Variants in EIF4G3 observed in about 807,000 individuals in gnomAD.
EIF4G3 encodes eukaryotic translation initiation factor 4 gamma 3.
Under a neutral mutation model 186.4 loss-of-function variants are expected in EIF4G3, and 34 were observed. The ratio of observed to expected loss-of-function variants is 0.18; its 90% CI spans 0.14 to 0.24. The LOEUF is 0.24. Ranked by LOEUF, EIF4G3 falls within the 10% of genes least tolerant of loss-of-function variation. EIF4G3 has a pLI of 1.00. For missense variants in EIF4G3, 1,536 were observed against 1,948.5 expected (o/e 0.79, Z 3.99); for synonymous variants, 673 against 679.5 (o/e 0.99, Z 0.15).
intron 3 of EIF4G3, among the ~76,000 whole-genome samples, chr1:21,070,849 G>A (rs1421594175): frequency 6.6e-6 from 1 of 152,102 alleles, no homozygotes; most frequent in Non-Finnish European, 1.5e-5. Flanking sequence ...GAATCTTTTT[G>A]TAAGTGTAAA....
chr1:20,926,351 A>C (rs1479459852), intron 14 of EIF4G3, among the ~76,000 whole-genome samples: 2 of 152,216 alleles, frequency 1.3e-5, no homozygotes, highest in African/African-American at 4.8e-5. Context: ...GTGTCTAATA[A>C]ATAGCAAGCA....
intron 4 of EIF4G3, among the ~76,000 whole-genome samples, chr1:21,007,526 A>AAAAAAAAAAC (rs1557469377): frequency 2.3e-5 from 3 of 131,012 alleles, no homozygotes; most frequent in Admixed American, 7.4e-5. Flanking sequence ...AAAAAAAAAA[A>AAAAAAAAAAC]AAAAAAAAAA....
At chr1:20,900,589 C>T (rs2089978027) in intron 15 of EIF4G3, among the ~76,000 whole-genome samples, 3 of 150,714 alleles carry the variant, frequency 2.0e-5, no homozygotes, top group South Asian at 4.2e-4. Context: ...TTTCAGAAGG[C>T]GAAAAAGAAT....
chr1:20,889,194 G>A (rs2085162065), intron 18 of EIF4G3, among the ~76,000 whole-genome samples: 3 of 152,076 alleles, frequency 2.0e-5, no homozygotes, highest in Admixed American at 2.0e-4. Flanking sequence ...ATCTTATTCA[G>A]AGACTGTAAT....
intron 12 of EIF4G3, among the ~76,000 whole-genome samples, chr1:20,954,735 C>T (rs767211577): frequency 2.0e-5 from 3 of 152,180 alleles, no homozygotes; most frequent in Middle Eastern, 3.4e-3. Flanking sequence ...GCTAAGACAA[C>T]ATTCCTGGGT....
At chr1:21,122,461 C>G (rs2096942913) in intron 2 of EIF4G3, among the ~76,000 whole-genome samples, 3 of 152,080 alleles carry the variant, frequency 2.0e-5, no homozygotes, top group African/African-American at 4.8e-5. Flanking sequence ...TTATAAATTA[C>G]AAGGTGACAG....
At chr1:21,090,752 C>T (rs2096168703) in intron 2 of EIF4G3, among the ~76,000 whole-genome samples, 1 of 152,170 alleles carries the variant, frequency 6.6e-6, no homozygotes, top group South Asian at 2.1e-4. Context: ...AAAACTACTG[C>T]TCTAATGTTC....
intron 3 of EIF4G3, among the ~76,000 whole-genome samples, chr1:21,066,086 G>C (rs965472124): frequency 2.6e-5 from 4 of 152,078 alleles, no homozygotes; most frequent in Non-Finnish European, 4.4e-5. Flanking sequence ...ACTGAGCCCA[G>C]GAGGTCAAGG....
intron 8 of EIF4G3, among the ~76,000 whole-genome samples, chr1:20,981,717 A>G (rs549845175): frequency 2.1e-5 from 3 of 143,438 alleles, no homozygotes; most frequent in Non-Finnish European, 4.7e-5. Context: ...ATGTATACAT[A>G]CATGTATACG....
At chr1:20,930,685 C>T (rs1233354068) in intron 14 of EIF4G3, among the ~76,000 whole-genome samples, 1 of 152,164 alleles carries the variant, frequency 6.6e-6, no homozygotes, top group African/African-American at 2.4e-5. Context: ...AGGCACATGC[C>T]ACCATGCCTA....
intron 15 of EIF4G3, among the ~76,000 whole-genome samples, chr1:20,904,376 C>T (rs1402321572): frequency 6.6e-6 from 1 of 152,150 alleles, no homozygotes; most frequent in Non-Finnish European, 1.5e-5. Flanking sequence ...GATAATGTTT[C>T]ACTGTGTTGC....
At chr1:21,032,153 T>C (rs1008038502) in intron 4 of EIF4G3, among the ~76,000 whole-genome samples, 1 of 152,220 alleles carries the variant, frequency 6.6e-6, no homozygotes, top group Non-Finnish European at 1.5e-5. Context: ...TTTCCAACTT[T>C]TCTACTATAT....
chr1:20,868,949 G>A (rs1404294445), intron 20 of EIF4G3, among the ~76,000 whole-genome samples: 1 of 152,174 alleles, frequency 6.6e-6, no homozygotes. Flanking sequence ...TTTTCTTCAA[G>A]CAACAGGGCC....
intron 2 of EIF4G3, among the ~76,000 whole-genome samples, chr1:21,158,239 G>A (rs1440597885): frequency 4.8e-5 from 7 of 144,968 alleles, no homozygotes; most frequent in Admixed American, 1.4e-4. Context: ...GGAGTGGTGC[G>A]ATCTCCACTC....
chr1:20,983,008 T>C (rs2078642024), intron 7 of EIF4G3, among the ~76,000 whole-genome samples: 1 of 152,188 alleles, frequency 6.6e-6, no homozygotes, highest in Non-Finnish European at 1.5e-5. Flanking sequence ...AAAATATTCG[T>C]TGCTATCAGT....
chr1:20,867,643 T>C (rs1212209417), intron 20 of EIF4G3, among the ~76,000 whole-genome samples: 1 of 152,202 alleles, frequency 6.6e-6, no homozygotes, highest in African/African-American at 2.4e-5. Context: ...TATGGCTATA[T>C]TAAACACTTC....
chr1:20,959,058 A>G (rs2096507264), intron 12 of EIF4G3, among the ~76,000 whole-genome samples: 1 of 152,192 alleles, frequency 6.6e-6, no homozygotes, highest in Admixed American at 6.6e-5. Flanking sequence ...TAAAATTCAT[A>G]TGGAACCAAA....
At chr1:20,964,001 A>G (rs950820817) in intron 12 of EIF4G3, among the ~76,000 whole-genome samples, 3 of 152,078 alleles carry the variant, frequency 2.0e-5, no homozygotes, top group Non-Finnish European at 4.4e-5. Context: ...GACAATCTTG[A>G]CATGGCATCA....
At chr1:21,075,584 A>C (rs1572136539) in intron 3 of EIF4G3, among the ~76,000 whole-genome samples, 1 of 60,020 alleles carries the variant, frequency 1.7e-5, no homozygotes, top group Non-Finnish European at 4.7e-5. Context: ...AAAAAAAAAA[A>C]AAAAAAAAAA....
Sources: gnomAD v4.1 joint callset for allele counts (sites outside exome capture counted in the v4.1 genomes callset) on GRCh38, gnomAD v4.1.1 for gene constraint, MANE v1.5 for transcripts, NCBI Gene and HGNC (gene_info 2026-07-23, HGNC 2026-07-21) for gene names.